Variants in ZFYVE16 observed in about 807,000 individuals in gnomAD.
The protein encoded by ZFYVE16 is zinc finger FYVE-type containing 16, also known as zinc finger FYVE domain-containing protein 16.
Under a neutral mutation model 138.1 loss-of-function variants are expected in ZFYVE16, and 89 were observed. The ratio of observed to expected loss-of-function variants is 0.64; its 90% CI spans 0.54 to 0.77. ZFYVE16 has a LOEUF of 0.77. ZFYVE16 is among the 30% of genes least tolerant of loss of function. ZFYVE16 has a pLI of 0.00. For synonymous variants in ZFYVE16, 596 were observed against 618.3 expected, an observed-to-expected ratio of 0.96 and a Z score of 0.53; for missense variants, 1,793 against 1,786.7, an observed-to-expected ratio of 1.00 and a Z score of -0.06.
Position 80,456,520 on chromosome 5 carries a change from A to T in ZFYVE16, c.3750A>T (p.Glu1250Asp). ...HNIDQLLIHM[E>D]MGKSCIKIPR... ...TAGATCAACTGTTGATTCATATGGA[A>T]ATGGGAAAAAGCTGCATAAAAATAC... The change falls in exon 13 of 19, where the codon GAA (glutamate) becomes GAT (aspartate). Residue 1250 changes from glutamate to aspartate, a missense_variant. Glu to Asp is a conservative substitution (Grantham distance 45). Coordinates refer to ENST00000505560, the MANE Select transcript of ZFYVE16 (RefSeq NM_001284236.3). 1 of 1,613,212 alleles carries T rather than the reference A, an allele frequency of 6.2e-7. No homozygotes were observed. Among genetic ancestry groups the T allele is most frequent in the East Asian group, 2.2e-5 (1 of 44,712 alleles).
At chr5:80,425,088 T>G (rs944836869) in intron 1 of ZFYVE16, among the ~76,000 whole-genome samples, 1 of 152,206 alleles carries the variant, frequency 6.6e-6, no homozygotes, top group African/African-American at 2.4e-5. Context: ...TTGAGTTGGC[T>G]TTTTCATCAA....
chr5:80,422,424 A>G (rs550006901), intron 1 of ZFYVE16, among the ~76,000 whole-genome samples: 2 of 152,108 alleles, frequency 1.3e-5, no homozygotes, highest in South Asian at 4.1e-4. Context: ...GTTTGCTAAG[A>G]GTTTTTCTCA....
rs192424191 is a variant in ZFYVE16, at chr5:80,439,532, A to G, written c.2323-404A>G. ...GGGTTGCCCATAGAAATCCTATTAC[A>G]TTTTTATTCAGATTTTTCAGTAATA... On this transcript the variant is annotated intron_variant, in intron 4 of 18. Coordinates refer to ENST00000505560, the MANE Select transcript of ZFYVE16 (RefSeq NM_001284236.3). 4.4e-4 allele frequency among the ~76,000 whole-genome samples: 67 copies of G among 152,242 alleles called. 1 individual carries two copies. The highest frequency in any genetic ancestry group is 1.2e-4 in the Non-Finnish European group (8 of 68,004).
At chr5:80,436,242 C>T (rs892941151) in intron 3 of ZFYVE16, among the ~76,000 whole-genome samples, 1 of 152,196 alleles carries the variant, frequency 6.6e-6, no homozygotes, top group Admixed American at 6.5e-5. Flanking sequence ...GATGCTACTA[C>T]AATTGGCAAC....
chr5:80,470,943 G>A (rs62365315), intron 15 of ZFYVE16, among the ~76,000 whole-genome samples: 117,601 of 151,596 alleles, frequency 0.78, 48,780 homozygotes, highest in East Asian at 0.92. Flanking sequence ...ACTGTGTAAA[G>A]ACAATGCCAA....
chr5:80,474,519 A>G (rs1199532520), intron 17 of ZFYVE16, 144 bp from the exon 18 acceptor site: 1 of 834,092 alleles, frequency 1.2e-6, no homozygotes, highest in East Asian at 2.6e-5. Context: ...CTTATAGTAC[A>G]GATCAAGCTA....
At chr5:80,457,188 G>T in intron 14 of ZFYVE16, 96 bp downstream of exon 14, 1 of 1,462,124 alleles carries the variant, frequency 6.8e-7, no homozygotes, top group Non-Finnish European at 9.2e-7. Context: ...CTTATTTGCT[G>T]AATTGTTGGT....
intron 10 of ZFYVE16, among the ~76,000 whole-genome samples, chr5:80,450,959 A>G (rs1038101179): frequency 1.3e-5 from 2 of 151,878 alleles, no homozygotes; most frequent in Non-Finnish European, 2.9e-5. Context: ...TTACAGGCAC[A>G]TGCCATCATG....
At chr5:80,447,557 T>A (rs377356532) in intron 7 of ZFYVE16, among the ~76,000 whole-genome samples, 1 of 152,268 alleles carries the variant, frequency 6.6e-6, no homozygotes, top group African/African-American at 2.4e-5. Context: ...TTATGGGTAG[T>A]TTTTTCCAGG....
intron 2 of ZFYVE16, among the ~76,000 whole-genome samples, chr5:80,427,971 CAAAAAAA>C (rs386404254): frequency 4.2e-5 from 2 of 48,108 alleles, no homozygotes; most frequent in South Asian, 1.5e-3. Context: ...GACTCCATCT[CAAAAAAA>C]AAAAAAAAAA....
Position 80,438,335 on chromosome 5 carries a change from T to G in ZFYVE16, c.1650T>G (p.Phe550Leu). The G allele has an allele frequency of 1.9e-6, 3 of 1,613,584 alleles. No individual in the cohort carries two copies. Among genetic ancestry groups the G allele is most frequent in the Non-Finnish European group, 2.5e-6 (3 of 1,179,864 alleles). Residue 550 changes from phenylalanine to leucine, a missense_variant, in exon 4 of 19, where the codon TTT (phenylalanine) becomes TTG (leucine). Phe to Leu is a conservative substitution (Grantham distance 22). Around this residue, in one of 2 missense-constraint regions of ZFYVE16, gnomAD observed 1,295 missense variants for 1,204.3 expected, o/e 1.08. Transcript: ENST00000505560. ...QYLQTTNIKS[F>L]EENVNDSKSQ... Reference sequence around the variant, plus strand: ...TTCAGACCACTAACATAAAGTCTTTTGAAGAAAATGTAAATGACTCTAAAT... The same window carrying G: ...TTCAGACCACTAACATAAAGTCTTTGGAAGAAAATGTAAATGACTCTAAAT...
At chr5:80,474,606 G>T in intron 17 of ZFYVE16, 57 bp from the exon 18 acceptor site, 2 of 1,494,990 alleles carry the variant, frequency 1.3e-6, no homozygotes, top group South Asian at 1.3e-5. Flanking sequence ...AGCAGCAATT[G>T]TTGCATTTTA....
At chr5:80,426,178 T>C (rs938898998) in intron 1 of ZFYVE16, among the ~76,000 whole-genome samples, 3 of 149,674 alleles carry the variant, frequency 2.0e-5, no homozygotes, top group Admixed American at 6.7e-5. Flanking sequence ...GATTGAGATA[T>C]ATATATATAT....
At chr5:80,431,803 C>G (rs1179467950) in intron 2 of ZFYVE16, among the ~76,000 whole-genome samples, 4 of 150,680 alleles carry the variant, frequency 2.7e-5, no homozygotes, top group African/African-American at 9.7e-5. Context: ...AACAGATAAA[C>G]AGCCAAATCA....
intron 15 of ZFYVE16, among the ~76,000 whole-genome samples, chr5:80,465,898 T>C (rs1012738308): frequency 1.3e-5 from 2 of 152,050 alleles, no homozygotes; most frequent in African/African-American, 4.8e-5. Context: ...ATGTTCAGAT[T>C]AGTGTTTTTC....
intron 9 of ZFYVE16, among the ~76,000 whole-genome samples, chr5:80,449,919 C>T (rs1751803999): frequency 6.6e-6 from 1 of 152,006 alleles, no homozygotes; most frequent in African/African-American, 2.4e-5. Flanking sequence ...TATTAGCATC[C>T]CTGTCAATCT....
chr5:80,435,730 G>C, intron 3 of ZFYVE16: 1 of 439,608 alleles, frequency 2.3e-6, no homozygotes, highest in South Asian at 1.6e-5. Flanking sequence ...CAGCATGCCC[G>C]GCTAATTTAA....
At chr5:80,430,780 A>G (rs1748885332) in intron 2 of ZFYVE16, among the ~76,000 whole-genome samples, 1 of 152,238 alleles carries the variant, frequency 6.6e-6, no homozygotes, top group Non-Finnish European at 1.5e-5. Context: ...CCACAGAAAT[A>G]CAAACTGCCA....
At chr5:80,469,074 C>A (rs1002046949) in intron 15 of ZFYVE16, among the ~76,000 whole-genome samples, 7 of 148,584 alleles carry the variant, frequency 4.7e-5, no homozygotes, top group Admixed American at 2.7e-4. Context: ...TATTTTTCTT[C>A]TTATTTCTTT....
Sources: allele counts gnomAD v4.1 joint callset (sites outside exome capture counted in the v4.1 genomes callset), GRCh38; gene constraint gnomAD v4.1.1; regional missense constraint gnomAD v4.1.1; transcripts MANE v1.5; gene names NCBI Gene and HGNC (gene_info 2026-07-23, HGNC 2026-07-21).